The following COMMD10 variants were observed in gnomAD, a reference collection of about 807,000 sequenced individuals.
The protein encoded by COMMD10 is COMM domain containing 10.
In COMMD10, 33 loss-of-function variants were observed where a neutral mutation model predicts 28.9. That is an observed-to-expected ratio of 1.14 (90% confidence interval 0.87 to 1.53). The LOEUF (loss-of-function observed/expected upper bound fraction) is 1.53, where lower values mean the gene tolerates loss of function less well. COMMD10 is among the 40% of genes most tolerant of loss of function. The pLI is 0.00. For missense variants in COMMD10, 310 were observed against 233.4 expected (o/e 1.33, Z -2.14); for synonymous variants, 110 against 81.7 (o/e 1.35, Z -1.87).
chr5:116,200,208 T>C (rs113303144), intron 5 of COMMD10, among the ~76,000 whole-genome samples: 2,217 of 152,216 alleles, frequency 0.015, 58 homozygotes, highest in African/African-American at 0.05. Flanking sequence ...GTAGGTCTTA[T>C]TCGTTTTTTC....
At chr5:116,184,632 AGTT>A (rs906004687) in intron 5 of COMMD10, among the ~76,000 whole-genome samples, 6 of 152,070 alleles carry the variant, frequency 3.9e-5, no homozygotes, top group Admixed American at 3.3e-4. Flanking sequence ...GCAGCAGTGG[AGTT>A]GTTATTTACC....
intron 5 of COMMD10, among the ~76,000 whole-genome samples, chr5:116,171,746 C>T (rs1753342368): frequency 6.6e-6 from 1 of 152,116 alleles, no homozygotes; most frequent in Admixed American, 6.5e-5. Context: ...CCAAAGACTG[C>T]ATGCTCTCAC....
chr5:116,197,106 C>A (rs1033623984), intron 5 of COMMD10, among the ~76,000 whole-genome samples: 1 of 151,710 alleles, frequency 6.6e-6, no homozygotes, highest in African/African-American at 2.4e-5. Context: ...TAAAGTAAAC[C>A]CTTTTGGCAT....
intron 5 of COMMD10, among the ~76,000 whole-genome samples, chr5:116,280,323 T>C (rs1464470718): frequency 1.3e-5 from 2 of 151,860 alleles, no homozygotes; most frequent in Non-Finnish European, 2.9e-5. Context: ...CCTAGGATGC[T>C]TTGCTTGCAC....
At chr5:116,205,577 C>T (rs1221997855) in intron 5 of COMMD10, among the ~76,000 whole-genome samples, 1 of 152,030 alleles carries the variant, frequency 6.6e-6, no homozygotes, top group African/African-American at 2.4e-5. Context: ...TGTGTGAATA[C>T]ATATATGGCT....
rs1009517023 is a variant in COMMD10, at chr5:116,248,394, C to T, written c.511-43123C>T. On this transcript the variant is annotated intron_variant, in intron 5 of 6. Coordinates refer to ENST00000274458, the MANE Select transcript of COMMD10 (RefSeq NM_016144.4). ...TATTAAGAGTTAGGCATTTGTAAAG[C>T]AGGTAACCTGTTTGACAGAAAAAGA... 5.3e-5 allele frequency among the ~76,000 whole-genome samples: 8 copies of T among 152,018 alleles called. No homozygotes were observed. The South Asian group carries it at 1.7e-3, about 32-fold the overall frequency.
intron 3 of COMMD10, among the ~76,000 whole-genome samples, chr5:116,091,897 T>A (rs775534056): frequency 1.1e-4 from 16 of 152,210 alleles, no homozygotes; most frequent in Non-Finnish European, 2.4e-4. Flanking sequence ...TCATGAGCAT[T>A]TTAATGAACA....
intron 5 of COMMD10, among the ~76,000 whole-genome samples, chr5:116,197,129 G>T (rs1748544347): frequency 6.6e-6 from 1 of 151,782 alleles, no homozygotes; most frequent in African/African-American, 2.4e-5. Flanking sequence ...TTTAATGTGG[G>T]GTTGCCTCAT....
At chr5:116,111,149 T>G (rs975119276) in intron 4 of COMMD10, among the ~76,000 whole-genome samples, 6 of 152,212 alleles carry the variant, frequency 3.9e-5, no homozygotes, top group African/African-American at 1.4e-4. Context: ...TCTTATTATA[T>G]TTGGATCTTC....
In COMMD10 at chr5:116,215,323, G is replaced by T. The variant is rs1414339435; in HGVS notation, c.511-76194G>T. Among the ~76,000 whole-genome samples the T allele has an allele frequency of 3.9e-5, 6 of 152,016 alleles. No homozygotes were observed. The South Asian group carries it at 6.2e-4, about 16-fold the overall frequency. On this transcript the variant is annotated intron_variant, in intron 5 of 6. Coordinates refer to ENST00000274458, the MANE Select transcript of COMMD10 (RefSeq NM_016144.4). ...AAGAAAATACTTCAAAATATTTTAA[G>T]TATTATAGCTAGTATTGATGCAGTA...
At chr5:116,154,619 C>T (rs1752645584) in intron 5 of COMMD10, among the ~76,000 whole-genome samples, 1 of 152,018 alleles carries the variant, frequency 6.6e-6, no homozygotes, top group African/African-American at 2.4e-5. Context: ...AAGACTTATA[C>T]ATTAAGTGAT....
At chr5:116,140,957 T>G (rs1480993083) in intron 5 of COMMD10, among the ~76,000 whole-genome samples, 1 of 151,866 alleles carries the variant, frequency 6.6e-6, no homozygotes, top group African/African-American at 2.4e-5. Flanking sequence ...GTTTATTTTT[T>G]GCTTTTGTTC....
At chr5:116,210,279 GTTAAAC>G (rs1748926217) in intron 5 of COMMD10, among the ~76,000 whole-genome samples, 1 of 151,678 alleles carries the variant, frequency 6.6e-6, no homozygotes, top group Admixed American at 6.6e-5. Context: ...TATGTATTTT[GTTAAAC>G]TTAAGCATTT....
At chr5:116,218,092 G>A in intron 5 of COMMD10, 3 of 1,306,104 alleles carry the variant, frequency 2.3e-6, no homozygotes, top group Non-Finnish European at 3.3e-6. Context: ...TTTCTGCAGG[G>A]TTATTCCCCT....
At chr5:116,197,752 C>G (rs907751715) in intron 5 of COMMD10, among the ~76,000 whole-genome samples, 4 of 152,110 alleles carry the variant, frequency 2.6e-5, no homozygotes, top group Non-Finnish European at 5.9e-5. Flanking sequence ...CTTTCTGACA[C>G]TGCAGTAAAG....
intron 5 of COMMD10, among the ~76,000 whole-genome samples, chr5:116,134,647 G>T (rs1751971994): frequency 6.6e-6 from 1 of 152,082 alleles, no homozygotes; most frequent in East Asian, 1.9e-4. Context: ...TTTTGAGACG[G>T]TGTCTTGCTG....
intron 5 of COMMD10, among the ~76,000 whole-genome samples, chr5:116,176,555 T>A (rs973868526): frequency 2.0e-5 from 3 of 152,204 alleles, no homozygotes; most frequent in Non-Finnish European, 2.9e-5. Flanking sequence ...TAAGTTCATG[T>A]TATTAATGGT....
At chr5:116,106,447 T>C (rs145648221) in intron 4 of COMMD10, among the ~76,000 whole-genome samples, 4,279 of 152,228 alleles carry the variant, frequency 0.028, 105 homozygotes, top group East Asian at 0.14. Context: ...GTGCTGAGAA[T>C]AATGTATATT....
intron 5 of COMMD10, among the ~76,000 whole-genome samples, chr5:116,212,274 G>A (rs774063811): frequency 6.6e-6 from 1 of 152,134 alleles, no homozygotes; most frequent in Non-Finnish European, 1.5e-5. Flanking sequence ...GCCAGGAACT[G>A]TATTTTTCCC....
Sources: allele counts gnomAD v4.1 joint callset (sites outside exome capture counted in the v4.1 genomes callset), GRCh38; gene constraint gnomAD v4.1.1; transcripts MANE v1.5; gene names NCBI Gene and HGNC (gene_info 2026-07-23, HGNC 2026-07-21).